HTR6: variants seen among roughly 807,000 people sequenced by gnomAD.
HTR6 encodes the protein 5-hydroxytryptamine (serotonin) receptor 6, G protein-coupled.
A neutral mutation model predicts 17.4 loss-of-function variants in HTR6; 15 were observed. The observed-to-expected ratio is 0.86, with a 90% confidence interval of 0.58 to 1.33. HTR6 has a LOEUF of 1.33. Among genes scored for constraint, HTR6 ranks in the 40% most tolerant of loss-of-function variants. HTR6 has a pLI of 0.00. For missense variants in HTR6, 578 were observed against 616.0 expected (o/e 0.94, Z 0.65); for synonymous variants, 326 against 295.5 (o/e 1.10, Z -1.06).
rs2095098385 is a variant in HTR6, at chr1:19,679,170, G to A, written c.1125G>A (p.Pro375=). The A allele has an allele frequency of 4.4e-6, 7 of 1,592,964 alleles. No individual in the cohort carries two copies. The highest frequency in any genetic ancestry group is 1.3e-5 in the African/African-American group (1 of 74,354). ...AGCAGGTGCTGCCGCTGCCCCTGCC[G>A]CCGGACTCAGATTCGGACTCAGACG... ...SLQQVLPLPL[P]PDSDSDSDAG... Residue 375 remains proline (P), a synonymous_variant, in exon 3 of 3, where the codon CCG becomes CCA. Coordinates refer to ENST00000289753, the MANE Select transcript of HTR6 (RefSeq NM_000871.3). The surrounding 1 kb of genome is among the most constrained non-coding windows in gnomAD (Gnocchi z 4.9).
intron 1 of HTR6, among the ~76,000 whole-genome samples, chr1:19,670,170 C>G (rs954980261): frequency 3.3e-5 from 5 of 152,074 alleles, no homozygotes; most frequent in Non-Finnish European, 5.9e-5. Context: ...CCCATTCTGC[C>G]TCACTTGCGG....
Position 19,665,461 on chromosome 1 carries a change from G to T in HTR6, c.-293G>T, listed in dbSNP as rs1236234460. 2.8e-6 allele frequency: 1 copy of T among 352,850 alleles called. No individual in the cohort carries two copies. The highest frequency in any genetic ancestry group is 5.0e-6 in the Non-Finnish European group (1 of 198,760). The allele number at this position is 352,850 out of a possible 1,614,324, so 21.9% of individuals were successfully genotyped here. On this transcript the variant is annotated 5_prime_UTR_variant, in exon 1 of 3. Coordinates refer to ENST00000289753, the MANE Select transcript of HTR6 (RefSeq NM_000871.3). The surrounding 1 kb of genome is among the most constrained non-coding windows in gnomAD (Gnocchi z 4.2). The stretch of plus-strand genomic sequence containing the variant: ...TTGACTTCCCGCCGCTTCCTTCAGG[G>T]GCCTCGGCTCATCGGGTGCCCCTCC...
At chr1:19,667,086 T>C (rs2095082534) in intron 1 of HTR6, among the ~76,000 whole-genome samples, 1 of 152,066 alleles carries the variant, frequency 6.6e-6, no homozygotes, top group Non-Finnish European at 1.5e-5. Flanking sequence ...ACTGCCATCC[T>C]CTCCAGTGTC....
At chr1:19,677,980 T>G (rs149522757) in intron 1 of HTR6, among the ~76,000 whole-genome samples, 4,855 of 152,294 alleles carry the variant, frequency 0.032, 235 homozygotes, top group African/African-American at 0.11. Flanking sequence ...CCTCAAGTGA[T>G]CTGCCTGCCT....
chr1:19,679,295 CCGT>C lies in HTR6; in HGVS notation c.1252_1254del (p.Val418del). On this transcript the variant is annotated inframe_deletion, in exon 3 of 3. Transcript: ENST00000289753. The surrounding 1 kb of genome is among the most constrained non-coding windows in gnomAD (Gnocchi z 4.9). ...CCGCTGCCCACCAGGGCCGCTGCCG[CCGT>C]CAATTTCTTCAACATCGACCCCGCG... The C allele has an allele frequency of 1.2e-6, 2 of 1,608,258 alleles. No homozygotes were observed. The highest frequency in any genetic ancestry group is 1.7e-6 in the Non-Finnish European group (2 of 1,178,296).
intron 1 of HTR6, among the ~76,000 whole-genome samples, chr1:19,668,967 T>C (rs1354394338): frequency 6.6e-6 from 1 of 152,172 alleles, no homozygotes; most frequent in Admixed American, 6.5e-5. Flanking sequence ...ATTACAAACA[T>C]GGTAGCATCA....
At chr1:19,676,018 G>GC (rs1288035435) in intron 1 of HTR6, among the ~76,000 whole-genome samples, 1 of 152,106 alleles carries the variant, frequency 6.6e-6, no homozygotes, top group Non-Finnish European at 1.5e-5. Flanking sequence ...TAGCATCTGA[G>GC]CCGCAGCGTG....
Position 19,666,341 on chromosome 1 carries a change from C to T in HTR6, c.588C>T (p.Thr196=), listed in dbSNP as rs1223095363. The T allele has an allele frequency of 1.2e-6, 2 of 1,613,682 alleles. No homozygotes were observed. Among genetic ancestry groups the T allele is most frequent in the African/African-American group, 1.3e-5 (1 of 74,950 alleles). ...TTGTCCTTGTGGCGTCGGGCCTCAC[C>T]TTCTTCCTGCCCTCGGGTGCCATAT... is the stretch of plus-strand genomic sequence containing the variant. ...LPFVLVASGL[T]FFLPSGAICF... Residue 196 remains threonine (T), a synonymous_variant, in exon 1 of 3, where the codon ACC becomes ACT. Coordinates refer to ENST00000289753, the MANE Select transcript of HTR6 (RefSeq NM_000871.3). This position sits in a 1 kb window ranked among gnomAD's most constrained non-coding sequence, Gnocchi z 4.5.
chr1:19,677,761 CAG>C (rs1166200930), intron 1 of HTR6, among the ~76,000 whole-genome samples: 1 of 152,186 alleles, frequency 6.6e-6, no homozygotes, highest in South Asian at 2.1e-4. Context: ...GTGTGTGTGA[CAG>C]AGTCTCGCTC....
chr1:19,677,166 C>CTGTG (rs373136462), intron 1 of HTR6, among the ~76,000 whole-genome samples: 2 of 151,424 alleles, frequency 1.3e-5, no homozygotes, highest in South Asian at 2.1e-4. Flanking sequence ...GTTTTCTTGT[C>CTGTG]TGTGTGTGTG....
chr1:19,669,867 C>T (rs2095085809), intron 1 of HTR6, among the ~76,000 whole-genome samples: 2 of 152,160 alleles, frequency 1.3e-5, no homozygotes, highest in South Asian at 4.1e-4. Context: ...AACTCCTGAC[C>T]TTACGTGATC....
Position 19,678,659 on chromosome 1 carries a change from G to A in HTR6, c.807G>A (p.Thr269=), listed in dbSNP as rs141227356. The change falls in exon 2 of 3, where the codon ACG becomes ACA. Residue 269 remains threonine, a synonymous_variant. Transcript: ENST00000289753. ...GGAAGGCCCTGAAGGCCAGCCTGACGCTGGGCATCCTGCTGGGCATGTTCT... is the reference window on the plus strand; with the variant it reads ...GGAAGGCCCTGAAGGCCAGCCTGACACTGGGCATCCTGCTGGGCATGTTCT... The part of the protein sequence containing the change: ...HSRKALKASL[T]LGILLGMFFV... The A allele has an allele frequency of 2.1e-4, 335 of 1,613,722 alleles. No homozygotes were observed. The highest frequency in any genetic ancestry group is 2.6e-4 in the Non-Finnish European group (301 of 1,179,980).
In HTR6 at chr1:19,679,330, G is replaced by T. The variant is rs201207633; in HGVS notation, c.1285G>T (p.Glu429Ter). 3.7e-6 allele frequency: 6 copies of T among 1,601,420 alleles called. No homozygotes were observed. The highest frequency in any genetic ancestry group is 4.1e-4 in the Middle Eastern group (2 of 4,904). ...NFFNIDPAEP[E>*]LRPHPLGIPT... Reference sequence around the variant, plus strand: ...CTTCAACATCGACCCCGCGGAGCCCGAGCTGCGGCCGCATCCACTTGGCAT... The same window carrying T: ...CTTCAACATCGACCCCGCGGAGCCCTAGCTGCGGCCGCATCCACTTGGCAT... The change falls in exon 3 of 3, where the codon GAG becomes TAG. Residue 429 changes from glutamate to a stop codon, truncating the protein, a stop_gained. Transcript: ENST00000289753. LOFTEE classifies it high-confidence loss of function. This position sits in a 1 kb window ranked among gnomAD's most constrained non-coding sequence, Gnocchi z 4.9.
intron 1 of HTR6, among the ~76,000 whole-genome samples, chr1:19,677,376 C>T (rs547292694): frequency 2.6e-4 from 40 of 152,150 alleles, no homozygotes; most frequent in African/African-American, 7.0e-4. Flanking sequence ...CTAACCTCCC[C>T]GGGCCCATGC....
chr1:19,672,784 C>T (rs2095089731), intron 1 of HTR6, among the ~76,000 whole-genome samples: 1 of 152,214 alleles, frequency 6.6e-6, no homozygotes, highest in Non-Finnish European at 1.5e-5. Flanking sequence ...AATCCCAACA[C>T]TTTGGGAGGC....
intron 1 of HTR6, among the ~76,000 whole-genome samples, chr1:19,672,569 G>C (rs892138022): frequency 3.3e-5 from 5 of 152,118 alleles, no homozygotes; most frequent in Non-Finnish European, 5.9e-5. Flanking sequence ...GGAGCTTGGG[G>C]GTCTGGCTGG....
At chr1:19,667,974 G>A (rs2095083627) in intron 1 of HTR6, among the ~76,000 whole-genome samples, 1 of 150,954 alleles carries the variant, frequency 6.6e-6, no homozygotes. Context: ...TTGGCAGAGG[G>A]GTGAAAGGCT....
chr1:19,680,489 C>T lies in HTR6; in HGVS notation c.*1121C>T, dbSNP rs1039821571. On this transcript the variant is annotated 3_prime_UTR_variant, in exon 3 of 3. Transcript: ENST00000289753. The stretch of plus-strand genomic sequence containing the variant: ...GGCAGTTTCTTTTTCAGCCTCAGAA[C>T]TGGTTTTCCTCAATCCTGGGGGGTC... Among the ~76,000 whole-genome samples the T allele has an allele frequency of 1.3e-5, 2 of 152,222 alleles. No homozygotes were observed. Among genetic ancestry groups the T allele is most frequent in the African/African-American group, 4.8e-5 (2 of 41,454 alleles).
chr1:19,676,735 T>C (rs909528884), intron 1 of HTR6, among the ~76,000 whole-genome samples: 4 of 152,232 alleles, frequency 2.6e-5, no homozygotes, highest in African/African-American at 9.6e-5. Context: ...CCTTTCCATC[T>C]GCGGAAGGTT....
Sources: allele counts gnomAD v4.1 joint callset (sites outside exome capture counted in the v4.1 genomes callset), GRCh38; gene constraint gnomAD v4.1.1; non-coding constraint Gnocchi (gnomAD v3.1); transcripts MANE v1.5; gene names NCBI Gene and HGNC (gene_info 2026-07-23, HGNC 2026-07-21).